The following ABCC3 variants were observed in gnomAD, a reference collection of about 807,000 sequenced individuals.
ABCC3 encodes the protein ATP binding cassette subfamily C member 3.
A neutral mutation model predicts 165.3 loss-of-function variants in ABCC3; 121 were observed. That is an observed-to-expected ratio of 0.73 (90% CI 0.63 to 0.85). ABCC3 has a LOEUF of 0.85. Ranked by LOEUF, ABCC3 falls within the 40% of genes least tolerant of loss-of-function variation. The pLI is 0.00. For missense variants in ABCC3, 1,869 were observed against 1,964.1 expected (o/e 0.95, Z 0.92); for synonymous variants, 733 against 810.1 (o/e 0.90, Z 1.62).
At chr17:50,635,249 C>CGGCTGGGGCGCAAAGGCACAGTGCGT in intron 1 of ABCC3, 4 of 627,652 alleles carry the variant, frequency 6.4e-6, no homozygotes, top group Admixed American at 5.2e-5. Context: ...GAAGAGTGCG[C>CGGCTGGGGCGCAAAGGCACAGTGCGT]GGCTGGGGCG....
At chr17:50,669,798 T>TTTTTCTTTC (rs1967607745) in intron 17 of ABCC3, among the ~76,000 whole-genome samples, 1 of 151,978 alleles carries the variant, frequency 6.6e-6, no homozygotes, top group Admixed American at 6.6e-5. Context: ...ATCACTTTTT[T>TTTTTCTTTC]TTTTTCTTTC....
Position 50,657,096 on chromosome 17 carries a change from T to C in ABCC3, c.399T>C (p.Ser133=). The change falls in exon 4 of 31, where the codon TCT becomes TCC. Residue 133 remains serine, a synonymous_variant. Transcript: ENST00000285238. ...IQYERLQGVQ[S]SGVLIIFWFL... Reference sequence around the variant, plus strand: ...ATGAGCGGCTGCAGGGCGTACAGTCTTCGGGGGTCCTCATTATCTTCTGGT... The same window carrying C: ...ATGAGCGGCTGCAGGGCGTACAGTCCTCGGGGGTCCTCATTATCTTCTGGT... The C allele has an allele frequency of 3.1e-6, 5 of 1,614,154 alleles. No individual in the cohort carries two copies. The highest frequency in any genetic ancestry group is 4.2e-6 in the Non-Finnish European group (5 of 1,180,018).
intron 17 of ABCC3, 71 bp from the exon 18 acceptor site, chr17:50,672,900 T>A (rs1597856030): frequency 1.4e-6 from 2 of 1,391,446 alleles, no homozygotes; most frequent in East Asian, 2.3e-5. Flanking sequence ...CCATCCCAAA[T>A]AACAGTGGAC....
chr17:50,676,032 TA>T lies in ABCC3; in HGVS notation c.3010del (p.Arg1004AspfsTer7). 6.2e-7 allele frequency: 1 copy of T among 1,614,200 alleles called. No homozygotes were observed. Among genetic ancestry groups the T allele is most frequent in the Non-Finnish European group, 8.5e-7 (1 of 1,180,032 alleles). On this transcript the variant is annotated frameshift_variant, in exon 22 of 31. Coordinates refer to ENST00000285238, the MANE Select transcript of ABCC3 (RefSeq NM_003786.4). LOFTEE classifies it high-confidence loss of function. ...AWTNDAMADSRQNNTSLRLGV... is the reference protein window; with the variant it reads ...AWTNDAMADSXQNNTSLRLGV... ...GGACAAATGATGCCATGGCAGACAG[TA>T]GACAGAACAACACTTCCCTGAGGCT...
rs754928510 is a variant in ABCC3 at position 50,673,154 on chromosome 17, G to A, written c.2409+16G>A. ...GGCAGGCAAGGTGAGGCCTGCCAGA[G>A]GCTAAGGGGGCTAAGGTGAGATCTG... On this transcript the variant is annotated intron_variant, in intron 18 of 30. Transcript: ENST00000285238. 5.6e-6 allele frequency: 9 copies of A among 1,612,428 alleles called. No homozygotes were observed. Among genetic ancestry groups the A allele is most frequent in the Non-Finnish European group, 7.6e-6 (9 of 1,179,932 alleles).
intron 6 of ABCC3, among the ~76,000 whole-genome samples, chr17:50,658,839 G>A (rs141835624): frequency 1.2e-4 from 19 of 152,358 alleles, no homozygotes; most frequent in Admixed American, 2.6e-4. Context: ...GCCTCAGAGC[G>A]GCTTGAGCAG....
At chr17:50,657,964 C>A (rs1228243898) in intron 4 of ABCC3, 118 bp from the exon 5 acceptor site, 1 of 1,397,430 alleles carries the variant, frequency 7.2e-7, no homozygotes, top group Non-Finnish European at 9.8e-7. Flanking sequence ...GACCTGGAGG[C>A]CCCCAGGTGC....
Position 50,634,988 on chromosome 17 carries a change from C to A in ABCC3, c.45+7C>A. ...GCTCGGCTCCAAGTTCTGGGTAAGG[C>A]GCGGGGCTCCGGGGTCACTGCGCGG... On this transcript the variant is annotated splice_region_variant and intron_variant, in intron 1 of 30. Coordinates refer to ENST00000285238, the MANE Select transcript of ABCC3 (RefSeq NM_003786.4). The A allele has an allele frequency of 7.9e-7, 1 of 1,258,174 alleles. No individual in the cohort carries two copies. 77.9% of individuals were successfully genotyped at this position (1,258,174 alleles called of 1,614,324 possible).
chr17:50,691,507 C>A lies in ABCC3; in HGVS notation c.*307C>A. ...TTCAAATAACGATTTTATGAAATGA[C>A]CTCTGTCCTCCCTCTGATTTTTCAT... On this transcript the variant is annotated 3_prime_UTR_variant, in exon 31 of 31. Coordinates refer to ENST00000285238, the MANE Select transcript of ABCC3 (RefSeq NM_003786.4). The A allele has an allele frequency of 4.3e-6, 1 of 234,974 alleles. No individual in the cohort carries two copies. Among genetic ancestry groups the A allele is most frequent in the South Asian group, 7.4e-5 (1 of 13,496 alleles). 14.6% of individuals were successfully genotyped at this position (234,974 alleles called of 1,614,324 possible).
At position 50,658,135 on chromosome 17, in the gene ABCC3, G is replaced by A. The variant is rs754710278; in HGVS notation, c.540G>A (p.Leu180=). Residue 180 remains leucine, a synonymous_variant, in exon 5 of 31, where the codon CTG becomes CTA. Transcript: ENST00000285238. ...CCACCTTCTACATCCACTTTGCCCTGGTACTCTCTGCCCTCATCTTGGCCT... is the reference window on the plus strand; with the variant it reads ...CCACCTTCTACATCCACTTTGCCCTAGTACTCTCTGCCCTCATCTTGGCCT... ...RFTTFYIHFA[L]VLSALILACF... 2 of 1,614,160 alleles carry A rather than the reference G, an allele frequency of 1.2e-6. No individual in the cohort carries two copies. Among genetic ancestry groups the A allele is most frequent in the East Asian group, 2.2e-5 (1 of 44,878 alleles).
chr17:50,675,042 C>A (rs1019740987), intron 19 of ABCC3, among the ~76,000 whole-genome samples: 2 of 152,096 alleles, frequency 1.3e-5, no homozygotes, highest in Admixed American at 6.5e-5. Flanking sequence ...TCGTGAGCTG[C>A]CTGCCTCAGC....
At chr17:50,653,427 G>C (rs911514313) in intron 1 of ABCC3, among the ~76,000 whole-genome samples, 3 of 149,656 alleles carry the variant, frequency 2.0e-5, no homozygotes, top group Non-Finnish European at 4.4e-5. Context: ...GAAAAAATAA[G>C]CAATTCATGA....
At chr17:50,640,600 C>T (rs974904306) in intron 1 of ABCC3, among the ~76,000 whole-genome samples, 1 of 152,186 alleles carries the variant, frequency 6.6e-6, no homozygotes, top group African/African-American at 2.4e-5. Context: ...CTCACTGCAA[C>T]CTCCGCCTCC....
In ABCC3 at chr17:50,677,941, C is replaced by T. The variant is rs751181091; in HGVS notation, c.3576C>T (p.Asn1192=). 6.2e-7 allele frequency: 1 copy of T among 1,614,168 alleles called. No homozygotes were observed. The highest frequency in any genetic ancestry group is 8.5e-7 in the Non-Finnish European group (1 of 1,180,036). Residue 1192 remains asparagine, a splice_region_variant and synonymous_variant, in exon 24 of 31, where the codon AAC becomes AAT. Coordinates refer to ENST00000285238, the MANE Select transcript of ABCC3 (RefSeq NM_003786.4). The stretch of plus-strand genomic sequence containing the variant: ...GCTGCTACCCCTACATCATCTCCAA[C>T]CGGTCAGAAGCCGCCTCCCTCGCTC... The part of the protein sequence containing the change: ...QRSCYPYIIS[N]RWLSIGVEFV...
chr17:50,638,985 G>A (rs1174393863), intron 1 of ABCC3, among the ~76,000 whole-genome samples: 1 of 152,168 alleles, frequency 6.6e-6, no homozygotes, highest in Non-Finnish European at 1.5e-5. Flanking sequence ...AGAGCTCCTG[G>A]GTATCAGGGT....
At chr17:50,682,974 C>T (rs929444464) in intron 26 of ABCC3, among the ~76,000 whole-genome samples, 21 of 152,158 alleles carry the variant, frequency 1.4e-4, no homozygotes, top group African/African-American at 5.1e-4. Flanking sequence ...TCCTCCTAGG[C>T]AGGAGGATCC....
chr17:50,658,401 C>A (rs1303446154), intron 5 of ABCC3, 34 bp from the exon 6 acceptor site: 4 of 1,607,066 alleles, frequency 2.5e-6, no homozygotes, highest in Non-Finnish European at 2.6e-6. Flanking sequence ...GGTGGGCACT[C>A]CTGATTCCCC....
chr17:50,651,388 C>T (rs890300009), intron 1 of ABCC3, among the ~76,000 whole-genome samples: 3 of 152,098 alleles, frequency 2.0e-5, no homozygotes, highest in Admixed American at 1.3e-4. Flanking sequence ...GTACAGATTT[C>T]CCTCCTCCTC....
intron 1 of ABCC3, among the ~76,000 whole-genome samples, chr17:50,644,374 C>A (rs936193390): frequency 2.7e-5 from 4 of 146,878 alleles, no homozygotes; most frequent in Non-Finnish European, 6.0e-5. Context: ...GGAAAGGAAG[C>A]AGGGAGTGCA....
Sources: gnomAD v4.1 joint callset for allele counts (sites outside exome capture counted in the v4.1 genomes callset) on GRCh38, gnomAD v4.1.1 for gene constraint, MANE v1.5 for transcripts, NCBI Gene and HGNC (gene_info 2026-07-23, HGNC 2026-07-21) for gene names.